The following ZFHX4 variants were observed in gnomAD, a reference collection of about 807,000 sequenced individuals.
ZFHX4 encodes zinc finger homeobox protein 4.
ZFHX4 carries 56 observed loss-of-function variants against 267.6 expected under a neutral mutation model. The ratio of observed to expected loss-of-function variants is 0.21; its 90% CI spans 0.17 to 0.26. The LOEUF is 0.26. ZFHX4 is among the 10% of genes least tolerant of loss of function. ZFHX4 has a pLI of 1.00. For missense variants in ZFHX4, 4,332 were observed against 4,420.0 expected, an observed-to-expected ratio of 0.98 and a Z score of 0.56; for synonymous variants, 1,778 against 1,665.6, an observed-to-expected ratio of 1.07 and a Z score of -1.64.
rs1378296215 is a variant in ZFHX4, at chr8:76,707,925, T to C, written c.2970T>C (p.Cys990=). ...GGKSNEWRLK[C]IAIGNPVHLK... is the part of the protein sequence containing the mutation. ...AAAGCAATGAGTGGAGGTTGAAGTG[T>C]ATTGCCATTGGCAACCCTGTTCACC... Residue 990 remains cysteine (C), a synonymous_variant, in exon 3 of 11, where the codon TGT becomes TGC. Transcript: ENST00000651372. 2 of 1,614,066 alleles carry C rather than the reference T, an allele frequency of 1.2e-6. No individual in the cohort carries two copies. The highest frequency in any genetic ancestry group is 1.7e-6 in the Non-Finnish European group (2 of 1,179,932).
In ZFHX4 at chr8:76,704,083, A is replaced by G; in HGVS notation, c.-6A>G. 5 of 1,598,068 alleles carry G rather than the reference A, an allele frequency of 3.1e-6. No homozygotes were observed. Among genetic ancestry groups the G allele is most frequent in the Non-Finnish European group, 4.3e-6 (5 of 1,171,916 alleles). On this transcript the variant is annotated 5_prime_UTR_variant, in exon 2 of 11. Coordinates refer to ENST00000651372, the MANE Select transcript of ZFHX4 (RefSeq NM_024721.5). ...GATGAAATGAGATCCCCATGTAGCA[A>G]TTGCCATGGAAACCTGTGACTCCCC...
At chr8:76,810,384 A>G (rs2131843341) in intron 4 of ZFHX4, among the ~76,000 whole-genome samples, 1 of 152,282 alleles carries the variant, frequency 6.6e-6, no homozygotes, top group Middle Eastern at 3.4e-3. Context: ...AAATAGAGCT[A>G]CAGCTGGTTA....
At chr8:76,857,001 C>T (rs1284062290) in intron 10 of ZFHX4, among the ~76,000 whole-genome samples, 1 of 152,174 alleles carries the variant, frequency 6.6e-6, no homozygotes, top group Non-Finnish European at 1.5e-5. Context: ...TTTATTCCCT[C>T]ACCCCTAGCC....
intron 4 of ZFHX4, among the ~76,000 whole-genome samples, chr8:76,815,418 C>A (rs185471170): frequency 3.5e-4 from 54 of 152,230 alleles, no homozygotes; most frequent in South Asian, 2.5e-3. Flanking sequence ...TGGTGAGGAC[C>A]CACTTTCCCA....
In ZFHX4 at chr8:76,867,024, T is replaced by C. The variant is rs1341505415; in HGVS notation, c.*2459T>C. On this transcript the variant is annotated 3_prime_UTR_variant, in exon 11 of 11. Transcript: ENST00000651372. ...CCTATGGCTATAACTTTAAATAAAC[T>C]AAACCAAAAATGTTATTGATGTTTT... is the stretch of plus-strand genomic sequence containing the variant. 1 of 152,628 alleles carries C rather than the reference T, an allele frequency of 6.6e-6. No individual in the cohort carries two copies. The highest frequency in any genetic ancestry group is 1.5e-5 in the Non-Finnish European group (1 of 68,026). The allele number at this position is 152,628 out of a possible 1,614,324, so 9.5% of individuals were successfully genotyped here.
At chr8:76,723,528 A>T (rs1470305882) in intron 3 of ZFHX4, among the ~76,000 whole-genome samples, 2 of 151,804 alleles carry the variant, frequency 1.3e-5, no homozygotes, top group Non-Finnish European at 2.9e-5. Flanking sequence ...TGTAGGGAAA[A>T]ATAACTAAAT....
In ZFHX4 at chr8:76,775,527, G is replaced by T. The variant is rs893649446; in HGVS notation, c.3094-2681G>T. Among the ~76,000 whole-genome samples, 10 of 152,258 alleles carry T rather than the reference G, an allele frequency of 6.6e-5. 1 individual carries two copies. The South Asian group carries it at 2.1e-3, about 32-fold the overall frequency. ...AATGGCCTCCGAAAGCCCCTGATGG[G>T]GTGAACTCTTGCAGACTCGTGAGAA... On this transcript the variant is annotated intron_variant, in intron 3 of 10. Coordinates refer to ENST00000651372, the MANE Select transcript of ZFHX4 (RefSeq NM_024721.5).
chr8:76,830,922 C>A (rs1359314568), intron 4 of ZFHX4, among the ~76,000 whole-genome samples: 1 of 152,114 alleles, frequency 6.6e-6, no homozygotes, highest in African/African-American at 2.4e-5. Context: ...CTAGGAAAAC[C>A]TTTACAGGCT....
intron 4 of ZFHX4, among the ~76,000 whole-genome samples, chr8:76,821,947 G>C (rs944794932): frequency 4.0e-5 from 6 of 151,656 alleles, no homozygotes; most frequent in Non-Finnish European, 8.8e-5. Flanking sequence ...TTAATGCATT[G>C]TCCTCTCTTC....
chr8:76,856,214 A>T lies in ZFHX4; in HGVS notation c.9293A>T (p.Tyr3098Phe). The change falls in exon 10 of 11, where the codon TAC becomes TTC. Residue 3098 changes from tyrosine (Y) to phenylalanine (F), a missense_variant. By Grantham distance (22) the Tyr-to-Phe change is conservative. Coordinates refer to ENST00000651372, the MANE Select transcript of ZFHX4 (RefSeq NM_024721.5). ...CACGGCATCAGCCTGCCAACAGCCT[A>T]CCCCGGACTCCCCGGCCTTCCTCCA... Reference protein sequence around the residue: ...SLHGISLPTAYPGLPGLPPVL... With the variant: ...SLHGISLPTAFPGLPGLPPVL... The T allele has an allele frequency of 6.2e-7, 1 of 1,613,816 alleles. No individual in the cohort carries two copies. Among genetic ancestry groups the T allele is most frequent in the African/African-American group, 1.3e-5 (1 of 74,998 alleles).
At chr8:76,797,900 G>GTT (rs914060549) in intron 4 of ZFHX4, among the ~76,000 whole-genome samples, 2 of 151,482 alleles carry the variant, frequency 1.3e-5, no homozygotes, top group African/African-American at 4.9e-5. Flanking sequence ...GTGTGTGTGT[G>GTT]TGTGTGTGTG....
intron 3 of ZFHX4, among the ~76,000 whole-genome samples, chr8:76,755,696 T>A (rs149226294): frequency 6.6e-6 from 1 of 152,290 alleles, no homozygotes; most frequent in African/African-American, 2.4e-5. Flanking sequence ...AATATTACTT[T>A]GTGTTGAAAT....
intron 3 of ZFHX4, among the ~76,000 whole-genome samples, chr8:76,760,095 A>G (rs1809870456): frequency 1.3e-5 from 2 of 152,242 alleles, no homozygotes; most frequent in African/African-American, 4.8e-5. Flanking sequence ...GCTGTGTTCA[A>G]GAATACACAT....
Position 76,705,493 on chromosome 8 carries a change from C to T in ZFHX4, c.1405C>T (p.Pro469Ser), listed in dbSNP as rs765332040. The T allele has an allele frequency of 3.1e-6, 5 of 1,613,688 alleles. No homozygotes were observed. The highest frequency in any genetic ancestry group is 1.7e-5 in the Admixed American group (1 of 59,986). Residue 469 changes from proline (P) to serine (S), a missense_variant, in exon 2 of 11, where the codon CCG becomes TCG. Around this residue, in one of 7 missense-constraint regions of ZFHX4, gnomAD observed 1,195 missense variants for 1,173.6 expected, o/e 1.02. Transcript: ENST00000651372. ...ECPVKSEPTE[P>S]GDEDEEDAYS... ...CCCTGTCAAAAGTGAACCCACTGAA[C>T]CGGGAGATGAGGATGAAGAAGATGC... is the stretch of plus-strand genomic sequence containing the variant.
intron 4 of ZFHX4, among the ~76,000 whole-genome samples, chr8:76,811,200 A>G (rs1811369178): frequency 6.6e-6 from 1 of 152,198 alleles, no homozygotes; most frequent in Non-Finnish European, 1.5e-5. Context: ...CCAGAGCCCC[A>G]CATGACAGTT....
intron 3 of ZFHX4, among the ~76,000 whole-genome samples, chr8:76,774,501 A>G (rs921919981): frequency 6.6e-6 from 1 of 152,158 alleles, no homozygotes; most frequent in Non-Finnish European, 1.5e-5. Flanking sequence ...ATTCTTGCTT[A>G]TAAATCTTAA....
Position 76,864,507 on chromosome 8 carries a change from C to G in ZFHX4, c.10793C>G (p.Pro3598Arg). The G allele has an allele frequency of 6.2e-7, 1 of 1,612,900 alleles. No individual in the cohort carries two copies. The highest frequency in any genetic ancestry group is 2.2e-5 in the East Asian group (1 of 44,774). Residue 3598 changes from proline to arginine, a missense_variant, in exon 11 of 11, where the codon CCT becomes CGT. Pro to Arg is a moderately radical substitution (Grantham distance 103, BLOSUM62 -2). Around this residue, in one of 7 missense-constraint regions of ZFHX4, gnomAD observed 1,648 missense variants for 1,625.0 expected, o/e 1.01. Transcript: ENST00000651372. ...AATTCTTTGGAAGTGAAGGCTAAGC[C>G]TGCTTCTGGCCTAGATGGTAATTTC... ...LDNSLEVKAKPASGLDGNFNS... is the reference protein window; with the variant it reads ...LDNSLEVKAKRASGLDGNFNS...
intron 5 of ZFHX4, among the ~76,000 whole-genome samples, chr8:76,836,721 G>C (rs1386633743): frequency 6.6e-6 from 1 of 151,892 alleles, no homozygotes; most frequent in South Asian, 2.1e-4. Context: ...CTATGACAAG[G>C]TTCAAGCAGA....
At chr8:76,833,238 T>C in intron 4 of ZFHX4, 100 bp from the exon 5 acceptor site, 5 of 851,542 alleles carry the variant, frequency 5.9e-6, no homozygotes, top group South Asian at 1.5e-5. Flanking sequence ...CTGATACTTA[T>C]CTCTCCTGAC....
Sources: allele counts gnomAD v4.1 joint callset (sites outside exome capture counted in the v4.1 genomes callset), GRCh38; gene constraint gnomAD v4.1.1; regional missense constraint gnomAD v4.1.1; transcripts MANE v1.5; gene names NCBI Gene and HGNC (gene_info 2026-07-23, HGNC 2026-07-21).